UGT1A6: variants seen among roughly 807,000 people sequenced by gnomAD.
UGT1A6 encodes UDP glucuronosyltransferase family 1 member A6, also known as UDP-glucuronosyltransferase 1A6.
In UGT1A6, 32 loss-of-function variants were observed where a neutral mutation model predicts 44.4. The observed-to-expected ratio is 0.72, with a 90% CI of 0.54 to 0.97. The LOEUF (loss-of-function observed/expected upper bound fraction) is 0.97. UGT1A6 is among the 50% of genes least tolerant of loss of function. The pLI, the probability that UGT1A6 is intolerant of heterozygous loss-of-function variation, is 0.00. For missense variants in UGT1A6, 685 were observed against 661.9 expected (o/e 1.03, Z -0.38); for synonymous variants, 238 against 248.5 (o/e 0.96, Z 0.40).
chr2:233,729,648 G>A lies in UGT1A6; in HGVS notation c.861+35783G>A, dbSNP rs777442066. 3.1e-6 allele frequency: 5 copies of A among 1,613,800 alleles called. No homozygotes were observed. In the South Asian group the frequency reaches 5.5e-5, roughly 18 times the overall value. On this transcript the variant is annotated intron_variant, in intron 1 of 4. Coordinates refer to ENST00000305139, the MANE Select transcript of UGT1A6 (RefSeq NM_001072.4). ...CGATTCCTACTGTGTTTTTTTTGAG[G>A]AACATTCCATGTGATTTAGACTTTA... is the stretch of plus-strand genomic sequence containing the variant.
At chr2:233,708,938 C>T (rs1169885161) in intron 1 of UGT1A6, among the ~76,000 whole-genome samples, 1 of 152,136 alleles carries the variant, frequency 6.6e-6, no homozygotes, top group African/African-American at 2.4e-5. Context: ...AACTATGTCA[C>T]CAGAACCCAT....
At chr2:233,717,751 C>T (rs1175015057) in intron 1 of UGT1A6, 3 of 456,586 alleles carry the variant, frequency 6.6e-6, no homozygotes, top group East Asian at 1.4e-4. Context: ...GGGTCTCCCC[C>T]TAGAAAGGCA....
intron 1 of UGT1A6, among the ~76,000 whole-genome samples, chr2:233,752,117 AGAT>A (rs1222756938): frequency 6.6e-6 from 1 of 152,242 alleles, no homozygotes; most frequent in African/African-American, 2.4e-5. Flanking sequence ...GAGGAGAAGA[AGAT>A]GATGGACAGA....
intron 2 of UGT1A6, 111 bp downstream of exon 2, chr2:233,767,276 C>CGGAA (rs1699353550): frequency 6.3e-7 from 1 of 1,578,136 alleles, no homozygotes; most frequent in Non-Finnish European, 8.5e-7. Context: ...TTGGCTTTTC[C>CGGAA]CTGCCACTTC....
chr2:233,762,543 G>A (rs1248994186), intron 1 of UGT1A6, among the ~76,000 whole-genome samples: 10 of 152,184 alleles, frequency 6.6e-5, no homozygotes, highest in Admixed American at 6.5e-4. Flanking sequence ...GTACCACAGT[G>A]TATTCTGCTG....
At chr2:233,741,729 C>T (rs1433169561) in intron 1 of UGT1A6, 1 of 151,846 alleles carries the variant, frequency 6.6e-6, no homozygotes, top group Admixed American at 6.5e-5. Context: ...CATATCCAAA[C>T]CCATATCACA....
At chr2:233,714,096 G>A (rs17862870) in intron 1 of UGT1A6, among the ~76,000 whole-genome samples, 15,413 of 152,100 alleles carry the variant, frequency 0.1, 898 homozygotes, top group East Asian at 0.2. Context: ...CAAAGGATGG[G>A]CAAGAGTGGT....
At chr2:233,748,342 C>G (rs117379305) in intron 1 of UGT1A6, among the ~76,000 whole-genome samples, 3 of 151,616 alleles carry the variant, frequency 2.0e-5, no homozygotes, top group African/African-American at 7.3e-5. Context: ...GGAGACTGTT[C>G]GTTTGTAAAG....
Position 233,772,472 on chromosome 2 carries a change from C to A in UGT1A6, c.1512C>A (p.Ile504=). ...CCGTCGTGCTGACAGTGGCCTTCAT[C>A]ACCTTTAAATGTTGTGCTTATGGCT... The part of the protein sequence containing the change: ...LLAVVLTVAF[I]TFKCCAYGYR... Residue 504 remains isoleucine (I), a synonymous_variant, in exon 5 of 5, where the codon ATC becomes ATA. Transcript: ENST00000305139. The A allele has an allele frequency of 6.2e-7, 1 of 1,614,132 alleles. No homozygotes were observed. Among genetic ancestry groups the A allele is most frequent in the Non-Finnish European group, 8.5e-7 (1 of 1,180,020 alleles).
At chr2:233,750,158 G>A (rs1271989660) in intron 1 of UGT1A6, among the ~76,000 whole-genome samples, 2 of 151,878 alleles carry the variant, frequency 1.3e-5, no homozygotes, top group Non-Finnish European at 2.9e-5. Flanking sequence ...TTGTTGAATG[G>A]TTTTGACCAA....
chr2:233,733,864 A>G (rs1575602891), intron 1 of UGT1A6, among the ~76,000 whole-genome samples: 1 of 151,900 alleles, frequency 6.6e-6, no homozygotes, highest in African/African-American at 2.4e-5. Context: ...TGATTGGAAT[A>G]GTTTCAGAAG....
intron 1 of UGT1A6, chr2:233,747,077 TAGG>T: frequency 9.2e-7 from 1 of 1,083,878 alleles, no homozygotes; most frequent in South Asian, 1.6e-5. Context: ...AATAATTAAC[TAGG>T]AGGAGAGCAC....
At chr2:233,752,037 A>G (rs1331054991) in intron 1 of UGT1A6, among the ~76,000 whole-genome samples, 2 of 152,222 alleles carry the variant, frequency 1.3e-5, no homozygotes, top group Non-Finnish European at 2.9e-5. Context: ...TAGAAAGGTA[A>G]GCTGTTGTGT....
chr2:233,737,584 A>G (rs552596961), intron 1 of UGT1A6, among the ~76,000 whole-genome samples: 5 of 152,256 alleles, frequency 3.3e-5, no homozygotes, highest in South Asian at 4.2e-4. Context: ...ACCAGTCCCA[A>G]TGAGATGAAC....
intron 1 of UGT1A6, among the ~76,000 whole-genome samples, chr2:233,745,130 TG>T (rs1693021871): frequency 6.6e-6 from 1 of 151,922 alleles, no homozygotes; most frequent in Admixed American, 6.5e-5. Flanking sequence ...AATCTGCAGA[TG>T]TGAAGCCCAA....
chr2:233,692,722 A>T, upstream of UGT1A6: 1 of 845,282 alleles, frequency 1.2e-6, no homozygotes, highest in African/African-American at 1.8e-5. Context: ...AAGTGTTGCT[A>T]TAACTTTTCA....
rs950702483 is a variant in UGT1A6 at position 233,748,193 on chromosome 2, C to G, written c.862-18841C>G. 9.0e-6 allele frequency: 14 copies of G among 1,552,524 alleles called. No individual in the cohort carries two copies. The Admixed American group carries it at 2.6e-4, about 28-fold the overall frequency. ...TATCTTTCTGGTGCTTTTATTTCTGCTTGTCGTAATAGCCTTCAGTGAGAT... is the reference window on the plus strand; with the variant it reads ...TATCTTTCTGGTGCTTTTATTTCTGGTTGTCGTAATAGCCTTCAGTGAGAT... On this transcript the variant is annotated intron_variant, in intron 1 of 4. Transcript: ENST00000305139.
chr2:233,760,048 C>T (rs189369417), intron 1 of UGT1A6, among the ~76,000 whole-genome samples: 1 of 152,292 alleles, frequency 6.6e-6, no homozygotes, highest in East Asian at 1.9e-4. Flanking sequence ...GCTGTGTTCA[C>T]TCAAGAATGT....
Position 233,769,781 on chromosome 2 carries a change from G to A in UGT1A6, c.1301+1342G>A. On this transcript the variant is annotated intron_variant, in intron 4 of 4. Coordinates refer to ENST00000305139, the MANE Select transcript of UGT1A6 (RefSeq NM_001072.4). The surrounding 1 kb of genome is among the most constrained non-coding windows in gnomAD (Gnocchi z 4.4). ...AAGGCGGGAGGATTGCTTGAGCCCAGAAGTTGGAGGCTGCTATGAGCCGTG... is the reference window on the plus strand; with the variant it reads ...AAGGCGGGAGGATTGCTTGAGCCCAAAAGTTGGAGGCTGCTATGAGCCGTG... 1 of 1,329,528 alleles carries A rather than the reference G, an allele frequency of 7.5e-7. No homozygotes were observed. The highest frequency in any genetic ancestry group is 9.9e-7 in the Non-Finnish European group (1 of 1,014,222). 82.4% of individuals were successfully genotyped at this position (1,329,528 alleles called of 1,614,324 possible). A position where few individuals can be genotyped will look rare whatever the true frequency, so the allele number is the denominator to read the frequency against.
Sources: gnomAD v4.1 joint callset for allele counts (sites outside exome capture counted in the v4.1 genomes callset) on GRCh38, gnomAD v4.1.1 for gene constraint, Gnocchi (gnomAD v3.1) non-coding constraint, MANE v1.5 for transcripts, NCBI Gene and HGNC (gene_info 2026-07-23, HGNC 2026-07-21) for gene names.